CACNB2: variants seen among roughly 807,000 people sequenced by gnomAD.
CACNB2 encodes voltage-dependent L-type calcium channel subunit beta-2.
In CACNB2, 42 loss-of-function variants were observed where a neutral mutation model predicts 73.3. The observed-to-expected ratio is 0.57, with a 90% confidence interval of 0.45 to 0.74. The LOEUF is 0.74. CACNB2 is among the 30% of genes least tolerant of loss of function. The pLI, the probability that CACNB2 is intolerant of heterozygous loss-of-function variation, is 0.00. For missense variants in CACNB2, 940 were observed against 853.0 expected (o/e 1.10, Z -1.27); for synonymous variants, 348 against 310.3 (o/e 1.12, Z -1.28).
chr10:18,526,497 G>T (rs7099975), intron 9 of CACNB2, among the ~76,000 whole-genome samples: 99,815 of 152,000 alleles, frequency 0.66, 33,258 homozygotes, highest in East Asian at 0.97. Context: ...ACAGACTTTT[G>T]AACCAAACTT....
At chr10:18,509,561 G>A (rs1451173895) in intron 6 of CACNB2, among the ~76,000 whole-genome samples, 4 of 152,178 alleles carry the variant, frequency 2.6e-5, no homozygotes. Context: ...CACTTTGGGA[G>A]GCTGAGGCAG....
At chr10:18,198,780 G>A (rs1298513269) in intron 2 of CACNB2, among the ~76,000 whole-genome samples, 1 of 152,122 alleles carries the variant, frequency 6.6e-6, no homozygotes, top group African/African-American at 2.4e-5. Flanking sequence ...TTCCCTGTAT[G>A]TGTCAAAGTT....
At chr10:18,177,984 G>C (rs542921804) in intron 2 of CACNB2, among the ~76,000 whole-genome samples, 3 of 152,230 alleles carry the variant, frequency 2.0e-5, no homozygotes, top group Admixed American at 6.5e-5. Context: ...TTTGCAGCTA[G>C]ACTCCCATCC....
chr10:18,534,625 A>C (rs1198045739), intron 11 of CACNB2, among the ~76,000 whole-genome samples: 1 of 152,252 alleles, frequency 6.6e-6, no homozygotes, highest in Admixed American at 6.5e-5. Flanking sequence ...ATTCACCGCC[A>C]CCATGCTTTC....
At chr10:18,347,840 C>T (rs1369589098) in intron 2 of CACNB2, among the ~76,000 whole-genome samples, 6 of 152,174 alleles carry the variant, frequency 3.9e-5, no homozygotes, top group East Asian at 3.9e-4. Flanking sequence ...TTCGTGACTT[C>T]GCTTAATGAG....
intron 3 of CACNB2, among the ~76,000 whole-genome samples, chr10:18,468,810 G>T (rs1388690214): frequency 6.6e-6 from 1 of 152,016 alleles, no homozygotes; most frequent in Non-Finnish European, 1.5e-5. Flanking sequence ...TGTTGGTCAG[G>T]CTGGTCTCAA....
chr10:18,169,628 G>A (rs1475824038), intron 2 of CACNB2, among the ~76,000 whole-genome samples: 1 of 152,142 alleles, frequency 6.6e-6, no homozygotes, highest in African/African-American at 2.4e-5. Context: ...ATTTTGTAAG[G>A]TAGGTGTTTC....
At chr10:18,332,404 T>C (rs562534658) in intron 2 of CACNB2, among the ~76,000 whole-genome samples, 57 of 152,266 alleles carry the variant, frequency 3.7e-4, no homozygotes, top group Non-Finnish European at 7.4e-4. Flanking sequence ...TAGTAGCTCT[T>C]TCGGGGACAC....
In CACNB2 at chr10:18,358,497, GCTCTCTCTCT is replaced by G. The variant is rs59205683; in HGVS notation, c.214-43381_214-43372del. 7.8e-3 allele frequency among the ~76,000 whole-genome samples: 818 copies of G among 104,226 alleles called. 3 individuals carry two copies. The highest frequency in any genetic ancestry group is 0.021 in the African/African-American group (551 of 26,362). The allele number at this position is 104,226 out of a possible 152,430, so 68.4% of individuals were successfully genotyped here. A position where few individuals can be genotyped will look rare whatever the true frequency, so the allele number is the denominator to read the frequency against. On this transcript the variant is annotated intron_variant, in intron 2 of 13. Coordinates refer to ENST00000324631, the MANE Select transcript of CACNB2 (RefSeq NM_201596.3). ...GGGAAATTCCTTTTCTAATGAGCAC[GCTCTCTCTCT>G]CTCTCTCTCTCTCTCTCTCTCTCTC...
At chr10:18,224,200 A>G (rs1176397612) in intron 2 of CACNB2, 4 of 152,070 alleles carry the variant, frequency 2.6e-5, no homozygotes, top group Admixed American at 6.6e-5. Flanking sequence ...TTTGGCTAGA[A>G]TGGTTTCTAG....
At chr10:18,430,256 A>C (rs761893227) in intron 3 of CACNB2, among the ~76,000 whole-genome samples, 99 of 152,262 alleles carry the variant, frequency 6.5e-4, no homozygotes, top group Non-Finnish European at 1.0e-3. Context: ...GCGTCTAAAC[A>C]CACAAACCTG....
At chr10:18,357,679 G>C (rs1348233654) in intron 2 of CACNB2, among the ~76,000 whole-genome samples, 1 of 152,230 alleles carries the variant, frequency 6.6e-6, no homozygotes, top group Non-Finnish European at 1.5e-5. Context: ...TCTAGGTTCA[G>C]ATAATTTTAT....
chr10:18,242,533 T>C (rs1008653843), intron 2 of CACNB2, among the ~76,000 whole-genome samples: 12 of 152,160 alleles, frequency 7.9e-5, no homozygotes, highest in Admixed American at 5.9e-4. Context: ...GTTGAAAAGG[T>C]ATGTTGGGAA....
At chr10:18,402,117 C>G in intron 3 of CACNB2, 74 bp downstream of exon 3, 2 of 1,500,924 alleles carry the variant, frequency 1.3e-6, no homozygotes, top group Non-Finnish European at 1.8e-6. Flanking sequence ...GTGGGAGTTT[C>G]CCCTAAAGGT....
Position 18,396,167 on chromosome 10 carries a change from G to A in CACNB2, c.214-5757G>A, listed in dbSNP as rs962386665. Among the ~76,000 whole-genome samples the A allele has an allele frequency of 8.6e-5, 13 of 151,934 alleles. No homozygotes were observed. The East Asian group carries it at 1.2e-3, about 14-fold the overall frequency. On this transcript the variant is annotated intron_variant, in intron 2 of 13. Transcript: ENST00000324631. Reference sequence around the variant, plus strand: ...AGATGGGGTTTCACCATGTTGCCCCGGCTGGTCTTGAACTCCTGGCCTCAA... The same window carrying A: ...AGATGGGGTTTCACCATGTTGCCCCAGCTGGTCTTGAACTCCTGGCCTCAA...
chr10:18,158,745 A>G (rs781727477), intron 2 of CACNB2, among the ~76,000 whole-genome samples: 4 of 152,248 alleles, frequency 2.6e-5, no homozygotes, highest in African/African-American at 7.2e-5. Context: ...ATCTAAACAG[A>G]TAAATTAACT....
Position 18,458,014 on chromosome 10 carries a change from A to G in CACNB2, c.334-40341A>G, listed in dbSNP as rs146936489. Among the ~76,000 whole-genome samples the G allele has an allele frequency of 2.1e-4, 32 of 152,344 alleles. No homozygotes were observed. In the East Asian group the frequency reaches 6.0e-3, roughly 28 times the overall value. ...TGTTTTAGATAATTACCAGCCTTGG[A>G]CTACAGACACATTTCACTAAGCCAG... On this transcript the variant is annotated intron_variant, in intron 3 of 13. Coordinates refer to ENST00000324631, the MANE Select transcript of CACNB2 (RefSeq NM_201596.3).
intron 3 of CACNB2, among the ~76,000 whole-genome samples, chr10:18,454,937 G>A (rs11014302): frequency 0.47 from 70,823 of 151,760 alleles, 17,891 homozygotes; most frequent in Non-Finnish European, 0.58. Context: ...AGCTGCTGTG[G>A]AGGCCAAGGT....
intron 2 of CACNB2, among the ~76,000 whole-genome samples, chr10:18,213,024 G>A (rs2035378840): frequency 6.6e-6 from 1 of 152,224 alleles, no homozygotes; most frequent in Non-Finnish European, 1.5e-5. Context: ...TAAGGGAATA[G>A]AGGATCCCAT....
Sources: gnomAD v4.1 joint callset for allele counts (sites outside exome capture counted in the v4.1 genomes callset) on GRCh38, gnomAD v4.1.1 for gene constraint, MANE v1.5 for transcripts, NCBI Gene and HGNC (gene_info 2026-07-23, HGNC 2026-07-21) for gene names.